The following CUX1 variants were observed in gnomAD, a reference collection of about 807,000 sequenced individuals.
CUX1 encodes the protein protein CASP.
A neutral mutation model predicts 158.8 loss-of-function variants in CUX1; 31 were observed. The observed-to-expected ratio is 0.20, with a 90% CI of 0.15 to 0.26. The LOEUF (loss-of-function observed/expected upper bound fraction) is 0.26, where lower values mean the gene tolerates loss of function less well. Among genes scored for constraint, CUX1 ranks in the 10% least tolerant of loss-of-function variants. The probability of loss-of-function intolerance (pLI) is 1.00; values close to 1 mark genes in which losing one functional copy is unlikely to be tolerated. For synonymous variants in CUX1, 879 were observed against 862.1 expected (o/e 1.02, Z -0.34); for missense variants, 1,589 against 2,014.6 (o/e 0.79, Z 4.04).
At chr7:101,879,732 C>G (rs560556443) in intron 1 of CUX1, among the ~76,000 whole-genome samples, 1 of 152,262 alleles carries the variant, frequency 6.6e-6, no homozygotes, top group East Asian at 1.9e-4. Context: ...GGGTGCCGTG[C>G]GGCCCGCCCG....
chr7:102,016,025 G>C (rs1259983285), intron 2 of CUX1, among the ~76,000 whole-genome samples: 1 of 151,690 alleles, frequency 6.6e-6, no homozygotes, highest in Non-Finnish European at 1.5e-5. Context: ...CTGTTGCCCG[G>C]GGTGGTCTCG....
In CUX1 at chr7:102,042,883, G is replaced by A. The variant is rs143633322; in HGVS notation, c.189+14738G>A. ...GGGCTCACTGCAGCCTTGACCTCCC[G>A]GGCTCAAGCAATCTTCCTGCTTCAG... On this transcript the variant is annotated intron_variant, in intron 3 of 23. Transcript: ENST00000292535. Among the ~76,000 whole-genome samples, 713 of 152,122 alleles carry A rather than the reference G, an allele frequency of 4.7e-3. 8 individuals carry two copies. The highest frequency in any genetic ancestry group is 0.016 in the African/African-American group (683 of 41,482).
In CUX1 at chr7:102,276,011, C is replaced by CAA. The variant is rs35522723; in HGVS notation, c.1563+666_1563+667dup. On this transcript the variant is annotated intron_variant, in intron 17 of 22. Transcript: ENST00000292538. ...TGTGTGACAGAGCAAGACTCCATCT[C>CAA]AAAAAAAAAAAAAAATCCTTCCTTT... 8.8e-3 allele frequency among the ~76,000 whole-genome samples: 1,202 copies of CAA among 137,234 alleles called. 7 individuals are homozygous for CAA. Among genetic ancestry groups the CAA allele is most frequent in the African/African-American group, 0.012 (434 of 37,088 alleles). The allele number at this position is 137,234 out of a possible 152,430, so 90.0% of individuals were successfully genotyped here.
At chr7:101,931,459 C>T (rs1158924467) in intron 2 of CUX1, among the ~76,000 whole-genome samples, 1 of 152,218 alleles carries the variant, frequency 6.6e-6, no homozygotes, top group Non-Finnish European at 1.5e-5. Context: ...ACTTAACACT[C>T]ACAGGATCCC....
In CUX1 at chr7:102,248,488, C is replaced by T; in HGVS notation, c.3964C>T (p.Pro1322Ser). 6.3e-7 allele frequency: 1 copy of T among 1,583,666 alleles called. No homozygotes were observed. Among genetic ancestry groups the T allele is most frequent in the Non-Finnish European group, 8.6e-7 (1 of 1,168,994 alleles). ...SQGQAGASDS[P>S]SARSGRAAPS... Reference sequence around the variant, plus strand: ...GGGCCAGGCGGGCGCCAGCGACTCACCCTCGGCCCGCAGCGGCCGGGCGGC... The same window carrying T: ...GGGCCAGGCGGGCGCCAGCGACTCATCCTCGGCCCGCAGCGGCCGGGCGGC... The change falls in exon 24 of 24, where the codon CCC becomes TCC. Residue 1322 changes from proline to serine, a missense_variant. Pro to Ser is a moderately conservative substitution (Grantham distance 74, BLOSUM62 -1). Transcript: ENST00000292535. The surrounding 1 kb of genome is among the most constrained non-coding windows in gnomAD (Gnocchi z 5.8).
chr7:101,896,149 C>T (rs535570905), intron 1 of CUX1, among the ~76,000 whole-genome samples: 2 of 152,176 alleles, frequency 1.3e-5, no homozygotes, highest in Non-Finnish European at 2.9e-5. Context: ...CCACCTCAGC[C>T]TCCCAAAGTG....
intron 14 of CUX1, among the ~76,000 whole-genome samples, chr7:102,272,839 G>A (rs1445222435): frequency 1.3e-5 from 2 of 152,176 alleles, no homozygotes; most frequent in East Asian, 3.8e-4. Context: ...GTTGGGGGCG[G>A]GACCAAGCAC....
chr7:101,979,946 G>T (rs907439865), intron 2 of CUX1, among the ~76,000 whole-genome samples: 2 of 152,174 alleles, frequency 1.3e-5, no homozygotes, highest in African/African-American at 4.8e-5. Flanking sequence ...GAGCCACCGT[G>T]TCCGGCTGGG....
intron 2 of CUX1, among the ~76,000 whole-genome samples, chr7:101,922,257 G>A (rs1389001808): frequency 6.6e-6 from 1 of 152,172 alleles, no homozygotes; most frequent in Non-Finnish European, 1.5e-5. Flanking sequence ...TTCTTAGTAA[G>A]CAAATAGAAC....
At chr7:101,888,362 C>T (rs1310194931) in intron 1 of CUX1, among the ~76,000 whole-genome samples, 1 of 152,112 alleles carries the variant, frequency 6.6e-6, no homozygotes, top group Non-Finnish European at 1.5e-5. Flanking sequence ...TATTGAATGT[C>T]TTCCTTGTAC....
intron 11 of CUX1, among the ~76,000 whole-genome samples, chr7:102,188,271 G>A (rs139735405): frequency 1.2e-4 from 18 of 152,024 alleles, no homozygotes; most frequent in African/African-American, 4.1e-4. Context: ...GGAAGTTACC[G>A]GAAATGACAA....
At chr7:102,150,621 G>GT (rs1563314376) in intron 8 of CUX1, among the ~76,000 whole-genome samples, 1 of 152,204 alleles carries the variant, frequency 6.6e-6, no homozygotes, top group East Asian at 1.9e-4. Flanking sequence ...CGCCAACACC[G>GT]TGCCCCGATG....
chr7:101,923,186 G>C (rs1347628577), intron 2 of CUX1, among the ~76,000 whole-genome samples: 1 of 152,274 alleles, frequency 6.6e-6, no homozygotes, highest in East Asian at 1.9e-4. Context: ...AACCCAGCGT[G>C]GGGTCCTCCC....
chr7:102,003,996 G>A (rs185395118), intron 2 of CUX1, among the ~76,000 whole-genome samples: 29 of 152,252 alleles, frequency 1.9e-4, no homozygotes, highest in Admixed American at 1.0e-3. Flanking sequence ...ATGTATACAC[G>A]TATAAATTTT....
At chr7:102,156,707 A>T (rs559964990) in intron 8 of CUX1, among the ~76,000 whole-genome samples, 10 of 151,994 alleles carry the variant, frequency 6.6e-5, no homozygotes, top group African/African-American at 1.9e-4. Flanking sequence ...GAAGGATAGA[A>T]CTCTCATTGT....
At chr7:102,086,675 C>T (rs1827987267) in intron 4 of CUX1, among the ~76,000 whole-genome samples, 1 of 151,734 alleles carries the variant, frequency 6.6e-6, no homozygotes, top group South Asian at 2.1e-4. Context: ...AGTGACACGA[C>T]TTTGGCTCAC....
intron 16 of CUX1, 76 bp from the exon 17 acceptor site, chr7:102,199,995 G>C (rs1052014642): frequency 7.8e-7 from 1 of 1,284,254 alleles, no homozygotes; most frequent in Non-Finnish European, 1.1e-6. Context: ...CTATATATCA[G>C]AATGACGTCT....
intron 16 of CUX1, chr7:102,274,393 A>C: frequency 8.2e-7 from 1 of 1,221,804 alleles, no homozygotes; most frequent in Non-Finnish European, 1.2e-6. Flanking sequence ...CAGATCCCCA[A>C]AGAGTAGTCC....
At chr7:101,856,182 C>CAAAA (rs768518044) in intron 1 of CUX1, among the ~76,000 whole-genome samples, 1 of 48,044 alleles carries the variant, frequency 2.1e-5, no homozygotes, top group African/African-American at 7.4e-5. Flanking sequence ...GACCCTGTCT[C>CAAAA]AAAAAAAAAA....
Sources: allele counts gnomAD v4.1 joint callset (sites outside exome capture counted in the v4.1 genomes callset), GRCh38; gene constraint gnomAD v4.1.1; non-coding constraint Gnocchi (gnomAD v3.1); transcripts MANE v1.5; gene names NCBI Gene and HGNC (gene_info 2026-07-23, HGNC 2026-07-21).